ZNF804B: variants seen among roughly 807,000 people sequenced by gnomAD.
The protein encoded by ZNF804B is zinc finger protein 804B, also known as zinc finger 804B.
Under a neutral mutation model 101.4 loss-of-function variants are expected in ZNF804B, and 80 were observed. The ratio of observed to expected loss-of-function variants is 0.79; its 90% CI spans 0.66 to 0.95. The LOEUF (loss-of-function observed/expected upper bound fraction) is 0.95. Among genes scored for constraint, ZNF804B ranks in the 40% least tolerant of loss-of-function variants. The pLI is 0.00. For synonymous variants in ZNF804B, 622 were observed against 558.8 expected, an observed-to-expected ratio of 1.11 and a Z score of -1.59; for missense variants, 1,673 against 1,561.9, an observed-to-expected ratio of 1.07 and a Z score of -1.20.
chr7:88,760,570 GATT>G (rs910485493), intron 1 of ZNF804B, among the ~76,000 whole-genome samples: 1 of 152,132 alleles, frequency 6.6e-6, no homozygotes, highest in African/African-American at 2.4e-5. Flanking sequence ...GTGAAAACTT[GATT>G]ATATCTAATG....
chr7:89,180,125 A>C (rs975708338), intron 1 of ZNF804B, among the ~76,000 whole-genome samples: 1 of 152,082 alleles, frequency 6.6e-6, no homozygotes, highest in African/African-American at 2.4e-5. Context: ...ACTGAGTCTC[A>C]CCCAAAGCCT....
At chr7:88,851,572 CAGA>C (rs1791451056) in intron 1 of ZNF804B, among the ~76,000 whole-genome samples, 2 of 151,432 alleles carry the variant, frequency 1.3e-5, no homozygotes, top group Non-Finnish European at 2.9e-5. Flanking sequence ...TTTTTTTTTC[CAGA>C]CAAAGACTAA....
chr7:89,026,671 G>A (rs146799978), intron 1 of ZNF804B, among the ~76,000 whole-genome samples: 185 of 152,226 alleles, frequency 1.2e-3, no homozygotes, highest in African/African-American at 4.2e-3. Context: ...TGGGAAAAAG[G>A]AGAATGAGAT....
intron 1 of ZNF804B, among the ~76,000 whole-genome samples, chr7:89,067,841 T>TTTTG (rs1789477230): frequency 6.7e-6 from 1 of 149,626 alleles, no homozygotes; most frequent in Non-Finnish European, 1.5e-5. Context: ...TTTTTTTTTT[T>TTTTG]GAGACAGAGT....
intron 1 of ZNF804B, among the ~76,000 whole-genome samples, chr7:88,986,085 A>G (rs1329279345): frequency 6.6e-6 from 1 of 152,162 alleles, no homozygotes; most frequent in Non-Finnish European, 1.5e-5. Context: ...TCTGGCAAAC[A>G]TAAAGGCTTT....
intron 1 of ZNF804B, among the ~76,000 whole-genome samples, chr7:88,959,398 A>C (rs993127719): frequency 2.0e-5 from 3 of 151,456 alleles, no homozygotes; most frequent in African/African-American, 2.4e-5. Context: ...AAGACATTAA[A>C]ACTTTCTTAG....
At chr7:89,061,977 C>T (rs903815017) in intron 1 of ZNF804B, among the ~76,000 whole-genome samples, 2 of 152,016 alleles carry the variant, frequency 1.3e-5, no homozygotes, top group African/African-American at 4.8e-5. Flanking sequence ...ACTCCCAATT[C>T]CTAGGGGGTC....
rs144361399 is a variant in ZNF804B at position 89,271,758 on chromosome 7, G to A, written c.249+53463G>A. ...GCCTCAATTTCAGAGCCTGTTACTG[G>A]TCTATTCAGGGATTCAACTTCTTCC... On this transcript the variant is annotated intron_variant, in intron 2 of 3. Transcript: ENST00000333190. Among the ~76,000 whole-genome samples, 633 of 152,178 alleles carry A rather than the reference G, an allele frequency of 4.2e-3. 5 individuals carry two copies. Among genetic ancestry groups the A allele is most frequent in the African/African-American group, 0.015 (605 of 41,528 alleles).
chr7:88,877,343 C>T (rs933755996), intron 1 of ZNF804B, among the ~76,000 whole-genome samples: 13 of 151,688 alleles, frequency 8.6e-5, no homozygotes, highest in African/African-American at 3.2e-4. Context: ...TTAGCCAAGT[C>T]ATGAATTTGT....
At position 88,802,241 on chromosome 7, in the gene ZNF804B, C is replaced by G. The variant is rs556354631; in HGVS notation, c.108+42157C>G. 2.0e-5 allele frequency among the ~76,000 whole-genome samples: 3 copies of G among 152,236 alleles called. No homozygotes were observed. In the South Asian group the frequency reaches 6.2e-4, roughly 32 times the overall value. On this transcript the variant is annotated intron_variant, in intron 1 of 3. Transcript: ENST00000333190. ...ATCTTTTGTTTATAAATTGCCCAGT[C>G]TCAGGTAGTATCTTTATAACAGTGC...
chr7:89,241,198 T>C (rs1315451579), intron 2 of ZNF804B, among the ~76,000 whole-genome samples: 1 of 152,112 alleles, frequency 6.6e-6, no homozygotes, highest in Non-Finnish European at 1.5e-5. Flanking sequence ...CCCAAATCCC[T>C]AACAAATAAC....
chr7:88,815,059 C>A (rs1357376195), intron 1 of ZNF804B, among the ~76,000 whole-genome samples: 1 of 148,308 alleles, frequency 6.7e-6, no homozygotes, highest in Non-Finnish European at 1.5e-5. Context: ...TGTATATATT[C>A]TTACATATAT....
At chr7:89,022,960 A>G (rs943540044) in intron 1 of ZNF804B, among the ~76,000 whole-genome samples, 2 of 152,186 alleles carry the variant, frequency 1.3e-5, no homozygotes, top group African/African-American at 4.8e-5. Context: ...ACATGCACAT[A>G]AAAAAATAAC....
intron 1 of ZNF804B, among the ~76,000 whole-genome samples, chr7:89,112,040 A>G (rs1339206645): frequency 6.8e-6 from 1 of 147,482 alleles, no homozygotes; most frequent in African/African-American, 2.5e-5. Flanking sequence ...TGGGAGACCT[A>G]GGTTGCAGTG....
At position 88,794,827 on chromosome 7, in the gene ZNF804B, CGTT is replaced by C. The variant is rs747581625; in HGVS notation, c.108+34747_108+34749del. The C allele has an allele frequency of 3.1e-6, 5 of 1,613,604 alleles. No homozygotes were observed. In the African/African-American group the frequency reaches 4.0e-5, roughly 13 times the overall value. ...AAGAAGGAATTTCTTTAGGTGTAGT[CGTT>C]GTTTCTCTTCTTGAAAGTGCAGGTA... On this transcript the variant is annotated intron_variant, in intron 1 of 3. Coordinates refer to ENST00000333190, the MANE Select transcript of ZNF804B (RefSeq NM_181646.5).
At chr7:89,309,832 A>G (rs930329283) in intron 2 of ZNF804B, among the ~76,000 whole-genome samples, 8 of 147,656 alleles carry the variant, frequency 5.4e-5, no homozygotes, top group Admixed American at 4.1e-4. Flanking sequence ...TAACAACTGT[A>G]ACCCTTCCTT....
Position 89,334,051 on chromosome 7 carries a change from G to C in ZNF804B, c.1069G>C (p.Val357Leu), listed in dbSNP as rs769106214. Residue 357 changes from valine to leucine, a missense_variant, in exon 4 of 4, where the codon GTT becomes CTT. Physicochemically the swap from Val to Leu is conservative, Grantham distance 32 (BLOSUM62 1). Coordinates refer to ENST00000333190, the MANE Select transcript of ZNF804B (RefSeq NM_181646.5). ...NTLKNTLENC[V>L]NHPCQANASF... ...ATTGAAGAACACTTTAGAAAATTGTGTTAATCACCCATGCCAAGCAAATGC... is the reference window on the plus strand; with the variant it reads ...ATTGAAGAACACTTTAGAAAATTGTCTTAATCACCCATGCCAAGCAAATGC... 6.2e-7 allele frequency: 1 copy of C among 1,613,496 alleles called. No individual in the cohort carries two copies. The highest frequency in any genetic ancestry group is 1.1e-5 in the South Asian group (1 of 91,070).
At chr7:89,171,288 G>GCTT (rs1203060273) in intron 1 of ZNF804B, among the ~76,000 whole-genome samples, 4,606 of 81,980 alleles carry the variant, frequency 0.056, 164 homozygotes, top group Middle Eastern at 0.095. Context: ...TGCTGCTGCT[G>GCTT]CTTCTTCTTC....
At chr7:89,277,621 T>C (rs181386514) in intron 2 of ZNF804B, among the ~76,000 whole-genome samples, 2 of 150,938 alleles carry the variant, frequency 1.3e-5, no homozygotes, top group South Asian at 4.2e-4. Flanking sequence ...GTTCTTCCGA[T>C]ACTTTACTGA....
Sources: gnomAD v4.1 joint callset for allele counts (sites outside exome capture counted in the v4.1 genomes callset) on GRCh38, gnomAD v4.1.1 for gene constraint, MANE v1.5 for transcripts, NCBI Gene and HGNC (gene_info 2026-07-23, HGNC 2026-07-21) for gene names.